Variants in FANK1 observed in about 807,000 individuals in gnomAD.
FANK1 encodes fibronectin type 3 and ankyrin repeat domains protein 1.
A neutral mutation model predicts 45.3 loss-of-function variants in FANK1; 44 were observed. The ratio of observed to expected loss-of-function variants is 0.97; its 90% CI spans 0.76 to 1.25. The LOEUF (loss-of-function observed/expected upper bound fraction) is 1.25. Among genes scored for constraint, FANK1 ranks in the 50% most tolerant of loss-of-function variants. FANK1 has a pLI of 0.00. For synonymous variants in FANK1, 149 were observed against 152.5 expected (o/e 0.98, Z 0.17); for missense variants, 391 against 424.4 (o/e 0.92, Z 0.69).
At chr10:125,951,352 C>G (rs1442081503) in intron 1 of FANK1, among the ~76,000 whole-genome samples, 2 of 151,940 alleles carry the variant, frequency 1.3e-5, no homozygotes, top group East Asian at 1.9e-4. Flanking sequence ...AACATTTAAA[C>G]AAATCCTTTA....
chr10:125,978,228 G>A (rs1010843355), intron 1 of FANK1, among the ~76,000 whole-genome samples: 1 of 152,012 alleles, frequency 6.6e-6, no homozygotes, highest in African/African-American at 2.4e-5. Context: ...GTATGGACCT[G>A]GTGTCGGCCC....
chr10:125,936,494 C>T (rs1395406719), intron 1 of FANK1, among the ~76,000 whole-genome samples: 7 of 150,930 alleles, frequency 4.6e-5, no homozygotes, highest in Non-Finnish European at 7.4e-5. Context: ...TCTTCCTTTC[C>T]GGATTCAATC....
At chr10:125,916,094 G>A (rs1208791534) in intron 1 of FANK1, among the ~76,000 whole-genome samples, 1 of 151,950 alleles carries the variant, frequency 6.6e-6, no homozygotes, top group East Asian at 1.9e-4. Flanking sequence ...GAGTGCAGTA[G>A]TGGTGCAATC....
intron 6 of FANK1, among the ~76,000 whole-genome samples, chr10:125,998,992 G>A (rs1952548663): frequency 6.6e-6 from 1 of 151,830 alleles, no homozygotes; most frequent in Non-Finnish European, 1.5e-5. Context: ...ATTTGATAGA[G>A]GAAAAAAAAG....
At chr10:125,945,887 C>T (rs1385336067) in intron 1 of FANK1, among the ~76,000 whole-genome samples, 1 of 152,212 alleles carries the variant, frequency 6.6e-6, no homozygotes, top group African/African-American at 2.4e-5. Flanking sequence ...GTTCTCCCAG[C>T]ACGCAGCTGG....
chr10:125,928,437 A>G (rs539151094), intron 1 of FANK1, among the ~76,000 whole-genome samples: 1 of 145,826 alleles, frequency 6.9e-6, no homozygotes, highest in South Asian at 2.3e-4. Context: ...AGACTGTTTT[A>G]TCAGCAAGGT....
intron 1 of FANK1, among the ~76,000 whole-genome samples, chr10:125,921,939 T>C (rs2134130446): frequency 6.6e-6 from 1 of 152,350 alleles, no homozygotes; most frequent in South Asian, 2.1e-4. Context: ...TGAATTTTTT[T>C]CCTTTACTGT....
intron 1 of FANK1, among the ~76,000 whole-genome samples, chr10:125,950,558 C>T (rs1949140235): frequency 6.6e-6 from 1 of 152,064 alleles, no homozygotes; most frequent in Admixed American, 6.6e-5. Context: ...AAATCAAAAC[C>T]ACAATGAGAT....
chr10:125,903,873 G>C (rs1945261375), intron 1 of FANK1, among the ~76,000 whole-genome samples: 1 of 151,906 alleles, frequency 6.6e-6, no homozygotes. Flanking sequence ...TTTTGAGACA[G>C]AGTTTCACTC....
At chr10:125,933,104 G>C (rs1208138401) in intron 1 of FANK1, among the ~76,000 whole-genome samples, 1 of 152,148 alleles carries the variant, frequency 6.6e-6, no homozygotes, top group Non-Finnish European at 1.5e-5. Context: ...TGGTTAGCTA[G>C]TATTTTGTTA....
At chr10:126,008,574 G>T in intron 8 of FANK1, 24 bp downstream of exon 8, 8 of 1,590,898 alleles carry the variant, frequency 5.0e-6, no homozygotes, top group Non-Finnish European at 6.0e-6. Flanking sequence ...CCGAAAATAG[G>T]CAGTTTTCTA....
At chr10:126,001,316 G>A (rs1952739184) in intron 6 of FANK1, among the ~76,000 whole-genome samples, 1 of 152,150 alleles carries the variant, frequency 6.6e-6, no homozygotes, top group Admixed American at 6.5e-5. Context: ...TGCCAATGCT[G>A]TTTTCAGTGC....
At chr10:125,946,614 G>T (rs1948819584) in intron 1 of FANK1, among the ~76,000 whole-genome samples, 1 of 150,846 alleles carries the variant, frequency 6.6e-6, no homozygotes, top group Non-Finnish European at 1.5e-5. Flanking sequence ...TATGTGAAAA[G>T]ACCAAATCTA....
At chr10:125,921,899 C>T (rs967678873) in intron 1 of FANK1, among the ~76,000 whole-genome samples, 1 of 152,172 alleles carries the variant, frequency 6.6e-6, no homozygotes, top group Non-Finnish European at 1.5e-5. Context: ...CCTTCCACCA[C>T]CCCTGCAAAG....
rs1223189012 is a variant in FANK1, at chr10:125,980,088, T to C, written c.14-73T>C. On this transcript the variant is annotated intron_variant, in intron 1 of 10. Transcript: ENST00000368693. ...AAAAATAGCTCGATCACCAAGCAGCTGTAATCCACTCGACTGGTCTCTCTT... is the reference window on the plus strand; with the variant it reads ...AAAAATAGCTCGATCACCAAGCAGCCGTAATCCACTCGACTGGTCTCTCTT... 1.6e-5 allele frequency: 24 copies of C among 1,488,714 alleles called. No homozygotes were observed. In the Admixed American group the frequency reaches 4.6e-4, roughly 28 times the overall value. The allele number at this position is 1,488,714 out of a possible 1,614,324, so 92.2% of individuals were successfully genotyped here. A position where few individuals can be genotyped will look rare whatever the true frequency, so the allele number is the denominator to read the frequency against.
intron 3 of FANK1, among the ~76,000 whole-genome samples, chr10:125,992,961 C>G (rs1253057222): frequency 2.0e-5 from 3 of 152,168 alleles, no homozygotes; most frequent in African/African-American, 7.2e-5. Flanking sequence ...CTGGTCGATA[C>G]TGCAGTGTTT....
chr10:125,905,219 C>T (rs1255322162), intron 1 of FANK1, among the ~76,000 whole-genome samples: 5 of 152,230 alleles, frequency 3.3e-5, no homozygotes, highest in Non-Finnish European at 7.3e-5. Context: ...ATCACTGGAA[C>T]GTGACTGTGA....
chr10:125,922,442 A>G (rs1457408831), intron 1 of FANK1, among the ~76,000 whole-genome samples: 2 of 152,200 alleles, frequency 1.3e-5, no homozygotes, highest in African/African-American at 4.8e-5. Context: ...CCAGAGTTTC[A>G]AATTGTGATC....
At chr10:125,929,196 C>T (rs918551439) in intron 1 of FANK1, among the ~76,000 whole-genome samples, 1 of 152,104 alleles carries the variant, frequency 6.6e-6, no homozygotes, top group African/African-American at 2.4e-5. Context: ...GCTTAAAGGC[C>T]CCTGGATGGT....
Sources: allele counts gnomAD v4.1 joint callset (sites outside exome capture counted in the v4.1 genomes callset), GRCh38; gene constraint gnomAD v4.1.1; transcripts MANE v1.5; gene names NCBI Gene and HGNC (gene_info 2026-07-23, HGNC 2026-07-21).